The following SEMA3A variants were observed in gnomAD, a reference collection of about 807,000 sequenced individuals.
SEMA3A encodes semaphorin 3A.
A neutral mutation model predicts 97.9 loss-of-function variants in SEMA3A; 29 were observed. That is an observed-to-expected ratio of 0.30 (90% confidence interval 0.22 to 0.40). The LOEUF is 0.40. Ranked by LOEUF, SEMA3A falls within the 10% of genes least tolerant of loss-of-function variation. The pLI, the probability that SEMA3A is intolerant of heterozygous loss-of-function variation, is 1.00. For missense variants in SEMA3A, 763 were observed against 951.3 expected, an observed-to-expected ratio of 0.80 and a Z score of 2.60; for synonymous variants, 321 against 323.7, an observed-to-expected ratio of 0.99 and a Z score of 0.09.
chr7:84,373,971 A>G (rs1160826363), intron 1 of SEMA3A, among the ~76,000 whole-genome samples: 3 of 152,196 alleles, frequency 2.0e-5, no homozygotes, highest in African/African-American at 7.2e-5. Flanking sequence ...GAAGATTAGC[A>G]AGGAAGTCCT....
intron 4 of SEMA3A, among the ~76,000 whole-genome samples, chr7:84,061,454 T>C (rs1223647034): frequency 6.6e-6 from 1 of 152,198 alleles, no homozygotes; most frequent in Non-Finnish European, 1.5e-5. Context: ...GGGACATTTC[T>C]GAGCATTCTT....
intron 2 of SEMA3A, among the ~76,000 whole-genome samples, chr7:84,354,723 A>C (rs1194426548): frequency 6.6e-6 from 1 of 151,662 alleles, no homozygotes; most frequent in East Asian, 1.9e-4. Flanking sequence ...AAGAAAGAAG[A>C]ATTTAATGCT....
intron 12 of SEMA3A, among the ~76,000 whole-genome samples, chr7:83,993,855 G>A (rs527926724): frequency 9.7e-5 from 13 of 133,614 alleles, no homozygotes; most frequent in African/African-American, 1.4e-4. Flanking sequence ...GAATCTGAAC[G>A]TTGGCTTGCC....
intron 1 of SEMA3A, among the ~76,000 whole-genome samples, chr7:84,392,280 T>G (rs2116178924): frequency 6.6e-6 from 1 of 152,254 alleles, no homozygotes; most frequent in Non-Finnish European, 1.5e-5. Context: ...TTTCATGAAT[T>G]TAATTATTTG....
intron 1 of SEMA3A, among the ~76,000 whole-genome samples, chr7:84,160,674 C>CTGAG (rs1797003205): frequency 6.6e-6 from 1 of 151,508 alleles, no homozygotes; most frequent in Non-Finnish European, 1.5e-5. Flanking sequence ...AGGTAGGAGT[C>CTGAG]TGAGATCAGC....
intron 6 of SEMA3A, among the ~76,000 whole-genome samples, chr7:84,024,146 A>T (rs6978663): frequency 0.73 from 111,165 of 152,168 alleles, 40,763 homozygotes; most frequent in Middle Eastern, 0.82. Context: ...AGAAGCAAGT[A>T]TTTCCTTCAC....
chr7:84,018,102 C>G (rs1161559460), intron 6 of SEMA3A, among the ~76,000 whole-genome samples: 26 of 152,136 alleles, frequency 1.7e-4, no homozygotes, highest in Non-Finnish European at 2.9e-5. Context: ...GCACCCTGCT[C>G]TTCGTCAAAT....
chr7:84,456,873 T>G (rs776400683), intron 1 of SEMA3A, among the ~76,000 whole-genome samples: 21 of 151,866 alleles, frequency 1.4e-4, no homozygotes, highest in African/African-American at 2.2e-4. Flanking sequence ...AAGTTAAATT[T>G]TCTTATATCC....
chr7:84,483,581 T>C (rs1251998034), intron 1 of SEMA3A, among the ~76,000 whole-genome samples: 1 of 152,222 alleles, frequency 6.6e-6, no homozygotes, highest in Admixed American at 6.5e-5. Context: ...AAGGACTGCC[T>C]GAATTGGTGC....
intron 6 of SEMA3A, among the ~76,000 whole-genome samples, chr7:84,022,157 C>A (rs916722441): frequency 2.0e-5 from 3 of 152,110 alleles, no homozygotes; most frequent in African/African-American, 7.2e-5. Flanking sequence ...ATTTGGAGAT[C>A]AGAGATTCCC....
rs73710497 is a variant in SEMA3A at position 84,486,817 on chromosome 7, G to A, written c.-246+5643C>T. On this transcript the variant is annotated intron_variant, in intron 1 of 3. Coordinates refer to the SEMA3A transcript ENST00000424555. The stretch of plus-strand genomic sequence containing the variant: ...ATTTCAGGAAAATAAGTTTGAGAGT[G>A]ACCAAAAATATTATTTGTCAGAAAA... Among the ~76,000 whole-genome samples, 161 of 152,144 alleles carry A rather than the reference G, an allele frequency of 1.1e-3. 2 individuals are homozygous for A. Among genetic ancestry groups the A allele is most frequent in the African/African-American group, 3.8e-3 (156 of 41,494 alleles).
chr7:84,000,866 T>C (rs550138368), intron 12 of SEMA3A, among the ~76,000 whole-genome samples: 1 of 152,254 alleles, frequency 6.6e-6, no homozygotes, highest in African/African-American at 2.4e-5. Context: ...ACATTGTATA[T>C]AGGTATGAAA....
intron 1 of SEMA3A, among the ~76,000 whole-genome samples, chr7:84,414,320 T>TTGGTTGTG (rs1804366535): frequency 6.6e-6 from 1 of 151,892 alleles, no homozygotes; most frequent in Admixed American, 6.6e-5. Flanking sequence ...AGTGAAAAAT[T>TTGGTTGTG]TGGTTGTGTA....
chr7:84,318,568 C>T (rs1317416848), intron 2 of SEMA3A, among the ~76,000 whole-genome samples: 1 of 151,840 alleles, frequency 6.6e-6, no homozygotes, highest in African/African-American at 2.4e-5. Context: ...GTGATCTGCC[C>T]GCCTCGGCCT....
At chr7:84,000,094 A>T (rs1790380209) in intron 12 of SEMA3A, among the ~76,000 whole-genome samples, 1 of 152,058 alleles carries the variant, frequency 6.6e-6, no homozygotes, top group African/African-American at 2.4e-5. Flanking sequence ...AACAATAAAG[A>T]CAATATGGCA....
At chr7:84,051,298 G>C (rs1182853121) in intron 5 of SEMA3A, among the ~76,000 whole-genome samples, 4 of 152,032 alleles carry the variant, frequency 2.6e-5, no homozygotes, top group African/African-American at 7.2e-5. Flanking sequence ...AATTACCTTG[G>C]GCAGTATGGC....
At chr7:84,434,522 A>C (rs1249691399) in intron 1 of SEMA3A, among the ~76,000 whole-genome samples, 1 of 152,174 alleles carries the variant, frequency 6.6e-6, no homozygotes, top group Admixed American at 6.6e-5. Flanking sequence ...GTAAGCCAGA[A>C]CCACCCTGAT....
chr7:84,135,272 G>A (rs1417727404), intron 1 of SEMA3A, among the ~76,000 whole-genome samples: 10 of 151,706 alleles, frequency 6.6e-5, no homozygotes, highest in African/African-American at 9.7e-5. Context: ...CACTATGCCC[G>A]GCTAATTTTT....
intron 3 of SEMA3A, among the ~76,000 whole-genome samples, chr7:84,243,374 G>T: frequency 6.6e-6 from 1 of 152,056 alleles, no homozygotes; most frequent in Admixed American, 6.5e-5. Context: ...TTTAGTCTTG[G>T]GTGGGTGTAT....
Sources: allele counts gnomAD v4.1 joint callset (sites outside exome capture counted in the v4.1 genomes callset), GRCh38; gene constraint gnomAD v4.1.1; transcripts MANE v1.5; gene names NCBI Gene and HGNC (gene_info 2026-07-23, HGNC 2026-07-21).